NUBPL: variants seen among roughly 807,000 people sequenced by gnomAD.
NUBPL encodes iron-sulfur cluster transfer protein NUBPL.
Under a neutral mutation model 45.7 loss-of-function variants are expected in NUBPL, and 31 were observed. The observed-to-expected ratio is 0.68, with a 90% CI of 0.51 to 0.92. The LOEUF (loss-of-function observed/expected upper bound fraction) is 0.92, where lower values mean the gene tolerates loss of function less well. NUBPL is among the 40% of genes least tolerant of loss of function. The pLI, the probability that NUBPL is intolerant of heterozygous loss-of-function variation, is 0.00. For synonymous variants in NUBPL, 144 were observed against 140.9 expected (o/e 1.02, Z -0.15); for missense variants, 401 against 398.7 (o/e 1.01, Z -0.05).
intron 4 of NUBPL, among the ~76,000 whole-genome samples, chr14:31,639,795 C>A (rs2035627358): frequency 6.6e-6 from 1 of 152,160 alleles, no homozygotes; most frequent in African/African-American, 2.4e-5. Flanking sequence ...TGGCGGGCGC[C>A]CCTCCCCCAG....
chr14:31,630,848 T>C (rs2035322631), intron 4 of NUBPL, among the ~76,000 whole-genome samples: 1 of 152,206 alleles, frequency 6.6e-6, no homozygotes, highest in South Asian at 2.1e-4. Flanking sequence ...ATTATACAGC[T>C]TGTATCTCCA....
At chr14:31,624,802 T>A (rs1333362102) in intron 4 of NUBPL, among the ~76,000 whole-genome samples, 3 of 152,184 alleles carry the variant, frequency 2.0e-5, no homozygotes, top group African/African-American at 7.2e-5. Flanking sequence ...TGACCTCAAG[T>A]GATCCGCCTG....
intron 10 of NUBPL, among the ~76,000 whole-genome samples, chr14:31,854,456 A>T (rs2040586483): frequency 6.6e-6 from 1 of 152,214 alleles, no homozygotes; most frequent in Non-Finnish European, 1.5e-5. Flanking sequence ...TCAGGTGGGA[A>T]CAGTGCCCAA....
chr14:31,695,466 C>T (rs1038395645), intron 6 of NUBPL, among the ~76,000 whole-genome samples: 1 of 151,854 alleles, frequency 6.6e-6, no homozygotes, highest in Non-Finnish European at 1.5e-5. Flanking sequence ...GTGTTGGTCA[C>T]CTCCAAATCT....
chr14:31,618,727 G>C (rs918742098), intron 4 of NUBPL, among the ~76,000 whole-genome samples: 2 of 152,280 alleles, frequency 1.3e-5, no homozygotes, highest in Admixed American at 1.3e-4. Flanking sequence ...AGTGTGATGT[G>C]GTTCTGAGAA....
intron 8 of NUBPL, among the ~76,000 whole-genome samples, chr14:31,831,914 CAT>C (rs1254334571): frequency 1.3e-5 from 2 of 152,110 alleles, no homozygotes; most frequent in African/African-American, 2.4e-5. Flanking sequence ...AGCCAGGAAA[CAT>C]AGAGGAAGTA....
At position 31,654,681 on chromosome 14, in the gene NUBPL, T is replaced by A. The variant is rs569857696; in HGVS notation, c.383-18674T>A. On this transcript the variant is annotated intron_variant, in intron 4 of 10. Transcript: ENST00000281081. ...ACCTCGGCCTCCCAAAGTGCTGGGA[T>A]TACAGGTGTGAGCCACTGTGCCTGC... 1.4e-4 allele frequency among the ~76,000 whole-genome samples: 21 copies of A among 152,310 alleles called. 1 individual carries two copies. The South Asian group carries it at 4.4e-3, about 32-fold the overall frequency.
At chr14:31,792,969 C>T (rs2039409603) in intron 7 of NUBPL, among the ~76,000 whole-genome samples, 1 of 152,206 alleles carries the variant, frequency 6.6e-6, no homozygotes, top group Non-Finnish European at 1.5e-5. Flanking sequence ...CTGTAACAGC[C>T]TGTCAAAATC....
intron 4 of NUBPL, among the ~76,000 whole-genome samples, chr14:31,666,258 TATATA>T (rs1566487158): frequency 6.8e-5 from 4 of 59,220 alleles, no homozygotes; most frequent in Non-Finnish European, 1.3e-4. Context: ...TATATATATA[TATATA>T]ATTTTATTTT....
intron 10 of NUBPL, among the ~76,000 whole-genome samples, chr14:31,851,828 A>C (rs2040542845): frequency 6.6e-6 from 1 of 152,220 alleles, no homozygotes; most frequent in Admixed American, 6.5e-5. Flanking sequence ...CTAGTGAATA[A>C]GAATAATTTC....
rs565810695 is a variant in NUBPL at position 31,808,824 on chromosome 14, G to A, written c.608-17805G>A. ...CAAATTTATTGAGAGTTTTTAGCAT[G>A]AAGGGCTGTTGAATTTTGTCAAAGG... is the stretch of plus-strand genomic sequence containing the variant. On this transcript the variant is annotated intron_variant, in intron 7 of 10. Transcript: ENST00000281081. 8.5e-5 allele frequency among the ~76,000 whole-genome samples: 13 copies of A among 152,268 alleles called. No homozygotes were observed. In the South Asian group the frequency reaches 1.2e-3, roughly 15 times the overall value.
intron 6 of NUBPL, among the ~76,000 whole-genome samples, chr14:31,709,752 C>A (rs906841735): frequency 5.3e-5 from 8 of 152,318 alleles, no homozygotes; most frequent in Non-Finnish European, 8.8e-5. Flanking sequence ...GGGCCAAATT[C>A]CCCTCCCCCT....
intron 4 of NUBPL, among the ~76,000 whole-genome samples, chr14:31,641,435 C>G (rs2035696348): frequency 6.6e-6 from 1 of 152,052 alleles, no homozygotes; most frequent in African/African-American, 2.4e-5. Flanking sequence ...TGATATTTGT[C>G]TTTCTAGGCC....
intron 4 of NUBPL, among the ~76,000 whole-genome samples, chr14:31,634,318 T>G (rs2035427360): frequency 1.4e-5 from 2 of 143,758 alleles, no homozygotes; most frequent in African/African-American, 5.2e-5. Context: ...AATTCCCACC[T>G]ATGAGTGAGA....
At chr14:31,792,998 T>A (rs923423156) in intron 7 of NUBPL, among the ~76,000 whole-genome samples, 3 of 152,200 alleles carry the variant, frequency 2.0e-5, no homozygotes, top group African/African-American at 7.2e-5. Context: ...TCTTTCAGAC[T>A]TAGCTAAATT....
At chr14:31,595,924 T>A (rs202104871) in intron 3 of NUBPL, among the ~76,000 whole-genome samples, 16 of 140,458 alleles carry the variant, frequency 1.1e-4, no homozygotes, top group African/African-American at 4.1e-4. Context: ...TTTTTTTTTT[T>A]AAGACAGAGT....
chr14:31,646,537 C>T (rs2035858002), intron 4 of NUBPL, among the ~76,000 whole-genome samples: 3 of 152,072 alleles, frequency 2.0e-5, no homozygotes, highest in Admixed American at 2.0e-4. Flanking sequence ...TTATTCTTTT[C>T]CCTTCTGGCC....
chr14:31,674,827 A>G (rs1437869889), intron 6 of NUBPL, among the ~76,000 whole-genome samples: 1 of 152,196 alleles, frequency 6.6e-6, no homozygotes, highest in Non-Finnish European at 1.5e-5. Context: ...TCTCTGACAC[A>G]TAAATTGTAT....
Position 31,565,052 on chromosome 14 carries a change from G to A in NUBPL, c.291+4G>A. The A allele has an allele frequency of 6.6e-7, 1 of 1,516,580 alleles. No homozygotes were observed. The highest frequency in any genetic ancestry group is 1.2e-5 in the South Asian group (1 of 81,284). 93.9% of individuals were successfully genotyped at this position (1,516,580 alleles called of 1,614,324 possible). ...TGCACTAGCAGCGAACGATTCGGTA[G>A]GTGTTTATTAATAGAAATATTAATT... is the stretch of plus-strand genomic sequence containing the variant. On this transcript the variant is annotated splice_donor_region_variant and intron_variant, in intron 3 of 10. Transcript: ENST00000281081.
Sources: gnomAD v4.1 joint callset for allele counts (sites outside exome capture counted in the v4.1 genomes callset) on GRCh38, gnomAD v4.1.1 for gene constraint, MANE v1.5 for transcripts, NCBI Gene and HGNC (gene_info 2026-07-23, HGNC 2026-07-21) for gene names.